Variants in DLG2 observed in about 807,000 individuals in gnomAD.
The protein encoded by DLG2 is disks large homolog 2.
Under a neutral mutation model 132.5 loss-of-function variants are expected in DLG2, and 45 were observed. That is an observed-to-expected ratio of 0.34 (90% confidence interval 0.27 to 0.44). The LOEUF is 0.44. Among genes scored for constraint, DLG2 ranks in the 20% least tolerant of loss-of-function variants. The probability of loss-of-function intolerance (pLI) is 1.00; values close to 1 mark genes in which losing one functional copy is unlikely to be tolerated. For synonymous variants in DLG2, 424 were observed against 419.6 expected, an observed-to-expected ratio of 1.01 and a Z score of -0.13; for missense variants, 1,045 against 1,196.9, an observed-to-expected ratio of 0.87 and a Z score of 1.87.
At chr11:84,151,515 T>C (rs1350056071) in intron 9 of DLG2, among the ~76,000 whole-genome samples, 3 of 152,174 alleles carry the variant, frequency 2.0e-5, no homozygotes, top group Non-Finnish European at 4.4e-5. Context: ...GTTTTGCTGA[T>C]CTTTTGTATA....
intron 6 of DLG2, among the ~76,000 whole-genome samples, chr11:85,051,731 T>C (rs2062916778): frequency 6.6e-6 from 1 of 152,162 alleles, no homozygotes; most frequent in Admixed American, 6.5e-5. Context: ...TCACTCAAAG[T>C]CTCATTTTTT....
chr11:83,817,403 T>C (rs938413874), intron 17 of DLG2, among the ~76,000 whole-genome samples: 1 of 152,120 alleles, frequency 6.6e-6, no homozygotes, highest in African/African-American at 2.4e-5. Context: ...ATGTCAGATA[T>C]AGTTACATGA....
chr11:84,246,492 A>C (rs904265917), intron 8 of DLG2, among the ~76,000 whole-genome samples: 1 of 152,234 alleles, frequency 6.6e-6, no homozygotes, highest in African/African-American at 2.4e-5. Flanking sequence ...AGAAATGCTT[A>C]AGAGAAGCCC....
chr11:85,465,048 C>T (rs760033122), intron 3 of DLG2, among the ~76,000 whole-genome samples: 28 of 111,396 alleles, frequency 2.5e-4, no homozygotes, highest in Admixed American at 1.9e-3. Context: ...TACTCCAGCA[C>T]GGGCAACAGT....
intron 12 of DLG2, among the ~76,000 whole-genome samples, chr11:83,970,496 T>G (rs568331395): frequency 1.3e-5 from 2 of 152,274 alleles, no homozygotes; most frequent in East Asian, 3.9e-4. Context: ...TACTTAGATT[T>G]CAGTCACAGA....
intron 22 of DLG2, among the ~76,000 whole-genome samples, chr11:83,476,401 G>A (rs1305673757): frequency 6.6e-6 from 1 of 152,066 alleles, no homozygotes; most frequent in Non-Finnish European, 1.5e-5. Context: ...CAATTGGTTC[G>A]AGTTTGAACC....
chr11:84,853,257 T>G (rs889580608), intron 6 of DLG2, among the ~76,000 whole-genome samples: 1 of 151,980 alleles, frequency 6.6e-6, no homozygotes, highest in African/African-American at 2.4e-5. Flanking sequence ...AAGACACTAT[T>G]GCCATTTTGA....
chr11:84,701,804 C>T (rs190788015), intron 6 of DLG2, among the ~76,000 whole-genome samples: 2 of 151,674 alleles, frequency 1.3e-5, no homozygotes, highest in South Asian at 2.1e-4. Context: ...CTTAAAGCCC[C>T]GAACAGTGCC....
intron 4 of DLG2, among the ~76,000 whole-genome samples, chr11:85,158,441 A>G (rs2077756041): frequency 6.6e-6 from 1 of 152,120 alleles, no homozygotes; most frequent in African/African-American, 2.4e-5. Flanking sequence ...AGGCTTAGGG[A>G]GATTGGGATG....
chr11:85,613,051 C>T (rs550326758), intron 2 of DLG2, among the ~76,000 whole-genome samples: 11 of 152,216 alleles, frequency 7.2e-5, no homozygotes, highest in Non-Finnish European at 1.6e-4. Context: ...GAGATGCTGT[C>T]CGGCGTTTAT....
chr11:84,416,576 T>C (rs1601743991), intron 7 of DLG2, among the ~76,000 whole-genome samples: 1 of 152,342 alleles, frequency 6.6e-6, no homozygotes, highest in Non-Finnish European at 1.5e-5. Flanking sequence ...ACCTAACGAT[T>C]AAAAACATGT....
chr11:85,193,109 C>G (rs2080732668), intron 4 of DLG2, among the ~76,000 whole-genome samples: 1 of 152,170 alleles, frequency 6.6e-6, no homozygotes, highest in Non-Finnish European at 1.5e-5. Flanking sequence ...CAGGCCCTGG[C>G]AGCAATAATC....
intron 3 of DLG2, among the ~76,000 whole-genome samples, chr11:85,456,455 T>C (rs1471519837): frequency 1.3e-5 from 2 of 152,200 alleles, no homozygotes; most frequent in Non-Finnish European, 2.9e-5. Context: ...TGTTTTCACA[T>C]CTCAAATTCC....
At chr11:84,604,584 A>G (rs1157285538) in intron 6 of DLG2, among the ~76,000 whole-genome samples, 1 of 152,026 alleles carries the variant, frequency 6.6e-6, no homozygotes, top group African/African-American at 2.4e-5. Context: ...GGCATGGAAC[A>G]AAATAAGCAA....
intron 6 of DLG2, among the ~76,000 whole-genome samples, chr11:84,848,218 G>A (rs928596345): frequency 1.3e-5 from 2 of 152,148 alleles, no homozygotes; most frequent in Non-Finnish European, 2.9e-5. Flanking sequence ...TGACGGCCTG[G>A]TGTGGTGGCT....
chr11:83,666,174 A>C (rs2075503618), intron 18 of DLG2, among the ~76,000 whole-genome samples: 1 of 152,170 alleles, frequency 6.6e-6, no homozygotes, highest in Non-Finnish European at 1.5e-5. Flanking sequence ...TTATAAAATA[A>C]ATTTATAATC....
At chr11:84,684,874 C>T (rs1218448408) in intron 6 of DLG2, among the ~76,000 whole-genome samples, 1 of 152,138 alleles carries the variant, frequency 6.6e-6, no homozygotes, top group Non-Finnish European at 1.5e-5. Flanking sequence ...TTCCCAGATA[C>T]AGAATTAAGT....
chr11:84,502,262 C>T lies in DLG2; in HGVS notation c.519+32308G>A, dbSNP rs371865636. ...TCCTTCCTTCCTTCCTTCCTTCCTTCCTTCCTTCCTTCCTTCCTTCTTTCT... is the reference window on the plus strand; with the variant it reads ...TCCTTCCTTCCTTCCTTCCTTCCTTTCTTCCTTCCTTCCTTCCTTCTTTCT... On this transcript the variant is annotated intron_variant, in intron 7 of 27. Transcript: ENST00000376104. 8.4e-5 allele frequency among the ~76,000 whole-genome samples: 4 copies of T among 47,412 alleles called. 1 individual carries two copies. Among genetic ancestry groups the T allele is most frequent in the African/African-American group, 6.0e-4 (2 of 3,338 alleles). The allele number at this position is 47,412 out of a possible 152,430, so 31.1% of individuals were successfully genotyped here.
At chr11:83,998,022 C>A (rs2094142327) in intron 11 of DLG2, among the ~76,000 whole-genome samples, 1 of 151,876 alleles carries the variant, frequency 6.6e-6, no homozygotes, top group Admixed American at 6.6e-5. Context: ...CTAATCCCAG[C>A]TACTCGGGAG....
Sources: gnomAD v4.1 joint callset for allele counts (sites outside exome capture counted in the v4.1 genomes callset) on GRCh38, gnomAD v4.1.1 for gene constraint, MANE v1.5 for transcripts, NCBI Gene and HGNC (gene_info 2026-07-23, HGNC 2026-07-21) for gene names.